FRMD4A: variants seen among roughly 807,000 people sequenced by gnomAD.
FRMD4A encodes the protein FERM domain-containing protein 4A.
In FRMD4A, 29 loss-of-function variants were observed where a neutral mutation model predicts 129.1. The observed-to-expected ratio is 0.22, with a 90% CI of 0.17 to 0.31. The LOEUF (loss-of-function observed/expected upper bound fraction) is 0.31, where lower values mean the gene tolerates loss of function less well. Among genes scored for constraint, FRMD4A ranks in the 10% least tolerant of loss-of-function variants. The pLI is 1.00. For missense variants in FRMD4A, 1,272 were observed against 1,375.8 expected, an observed-to-expected ratio of 0.92 and a Z score of 1.19; for synonymous variants, 634 against 571.6, an observed-to-expected ratio of 1.11 and a Z score of -1.56.
intron 2 of FRMD4A, among the ~76,000 whole-genome samples, chr10:14,077,274 T>C (rs1158931640): frequency 1.3e-5 from 2 of 152,212 alleles, no homozygotes; most frequent in Non-Finnish European, 2.9e-5. Flanking sequence ...GTTCTATAAA[T>C]GCTGTTCTCA....
chr10:14,154,262 C>T (rs1489536870), intron 2 of FRMD4A, among the ~76,000 whole-genome samples: 2 of 152,042 alleles, frequency 1.3e-5, no homozygotes, highest in Non-Finnish European at 2.9e-5. Context: ...AGATGAGGAG[C>T]CAAAGCTGAA....
intron 2 of FRMD4A, among the ~76,000 whole-genome samples, chr10:13,935,209 A>T (rs969086079): frequency 1.3e-5 from 2 of 152,058 alleles, no homozygotes; most frequent in Non-Finnish European, 2.9e-5. Context: ...TAGGCTGAGC[A>T]GGCGGATCAC....
chr10:13,840,323 C>T (rs1004606224), intron 3 of FRMD4A, among the ~76,000 whole-genome samples: 1 of 152,094 alleles, frequency 6.6e-6, no homozygotes, highest in Admixed American at 6.5e-5. Context: ...AGGGAGAAGG[C>T]GGATGTCCAC....
intron 6 of FRMD4A, among the ~76,000 whole-genome samples, chr10:13,769,013 G>A (rs1393258781): frequency 3.5e-5 from 5 of 142,456 alleles, no homozygotes; most frequent in Non-Finnish European, 7.6e-5. Flanking sequence ...TTTTTGAGAC[G>A]GGAGTCTTGC....
chr10:13,957,691 T>C (rs1273117212), intron 2 of FRMD4A, among the ~76,000 whole-genome samples: 2 of 152,182 alleles, frequency 1.3e-5, no homozygotes, highest in Non-Finnish European at 2.9e-5. Flanking sequence ...GAATCTTTGG[T>C]GTTATTTCTG....
chr10:14,247,153 C>A (rs1170446421), intron 2 of FRMD4A, among the ~76,000 whole-genome samples: 1 of 152,108 alleles, frequency 6.6e-6, no homozygotes, highest in Admixed American at 6.6e-5. Flanking sequence ...TGCCGATCCC[C>A]GCTGGCCACA....
At chr10:13,951,892 A>ATAC (rs2095373246) in intron 2 of FRMD4A, among the ~76,000 whole-genome samples, 1 of 119,300 alleles carries the variant, frequency 8.4e-6, no homozygotes, top group Non-Finnish European at 1.8e-5. Context: ...TCTGTCTCAA[A>ATAC]TAATAATAAT....
intron 2 of FRMD4A, among the ~76,000 whole-genome samples, chr10:14,058,440 T>A (rs1018235045): frequency 1.3e-5 from 2 of 152,204 alleles, no homozygotes; most frequent in African/African-American, 4.8e-5. Context: ...TGGCAGGCAA[T>A]GGGAGAGTCT....
rs552796111 is a variant in FRMD4A at position 14,059,767 on chromosome 10, C to T, written c.46-200855G>A. 9.2e-5 allele frequency among the ~76,000 whole-genome samples: 14 copies of T among 152,316 alleles called. No homozygotes were observed. In the East Asian group the frequency reaches 2.7e-3, roughly 29 times the overall value. ...GAGCATCTCAAAATTGTTCTCCATC[C>T]TCCTCTAATCAATAAGCAGGATCTG... On this transcript the variant is annotated intron_variant, in intron 2 of 24. Coordinates refer to ENST00000357447, the MANE Select transcript of FRMD4A (RefSeq NM_018027.5).
intron 14 of FRMD4A, 147 bp from the exon 15 acceptor site, chr10:13,694,186 C>A: frequency 1.7e-6 from 1 of 576,396 alleles, no homozygotes; most frequent in Non-Finnish European, 2.9e-6. Flanking sequence ...GTTTGCATCC[C>A]TTGGCCTCAT....
chr10:14,194,323 G>A (rs989114056), intron 2 of FRMD4A, among the ~76,000 whole-genome samples: 7 of 152,112 alleles, frequency 4.6e-5, no homozygotes, highest in African/African-American at 1.7e-4. Flanking sequence ...TAAAAAACAC[G>A]GAGGAGGCCG....
intron 2 of FRMD4A, among the ~76,000 whole-genome samples, chr10:14,032,138 C>T (rs1395641345): frequency 2.6e-5 from 4 of 152,094 alleles, no homozygotes; most frequent in African/African-American, 7.2e-5. Flanking sequence ...CCCTTACTGT[C>T]CTCAAATAAA....
At chr10:14,013,845 C>T (rs566091871) in intron 2 of FRMD4A, among the ~76,000 whole-genome samples, 68 of 152,344 alleles carry the variant, frequency 4.5e-4, no homozygotes, top group Admixed American at 8.5e-4. Context: ...GCAGGAGAAT[C>T]ACTTGAGCCT....
At chr10:13,884,142 ACT>A (rs1266058328) in intron 2 of FRMD4A, among the ~76,000 whole-genome samples, 1,458 of 28,562 alleles carry the variant, frequency 0.051, 41 homozygotes, top group African/African-American at 0.14. Flanking sequence ...GCTCACACAC[ACT>A]CTCACACACT....
At chr10:13,665,457 T>A (rs1411018728) in intron 18 of FRMD4A, among the ~76,000 whole-genome samples, 1 of 152,192 alleles carries the variant, frequency 6.6e-6, no homozygotes, top group Non-Finnish European at 1.5e-5. Flanking sequence ...AAGAATTCAC[T>A]GACTTAGACA....
intron 2 of FRMD4A, among the ~76,000 whole-genome samples, chr10:14,010,541 G>A (rs1228008501): frequency 6.6e-6 from 1 of 151,386 alleles, no homozygotes; most frequent in African/African-American, 2.4e-5. Flanking sequence ...CGCGGAGTAG[G>A]TGACCCCCTC....
At chr10:13,786,478 C>A (rs950282001) in intron 5 of FRMD4A, among the ~76,000 whole-genome samples, 8 of 152,224 alleles carry the variant, frequency 5.3e-5, no homozygotes, top group African/African-American at 1.9e-4. Flanking sequence ...TGGTGGCGGA[C>A]ACCCGTAATC....
At chr10:13,830,214 C>T (rs1369415349) in intron 3 of FRMD4A, among the ~76,000 whole-genome samples, 1 of 152,214 alleles carries the variant, frequency 6.6e-6, no homozygotes, top group African/African-American at 2.4e-5. Flanking sequence ...ATCCATCGGG[C>T]AGGGCGCTGT....
At chr10:14,268,855 G>A (rs923952819) in intron 2 of FRMD4A, among the ~76,000 whole-genome samples, 5 of 151,402 alleles carry the variant, frequency 3.3e-5, no homozygotes, top group South Asian at 2.1e-4. Context: ...GAGTTTCTAC[G>A]TATTTTGTGC....
Sources: allele counts gnomAD v4.1 joint callset (sites outside exome capture counted in the v4.1 genomes callset), GRCh38; gene constraint gnomAD v4.1.1; transcripts MANE v1.5; gene names NCBI Gene and HGNC (gene_info 2026-07-23, HGNC 2026-07-21).